SAGE1: variants seen among roughly 807,000 people sequenced by gnomAD.
SAGE1 encodes sarcoma antigen 1.
A neutral mutation model predicts 55.4 loss-of-function variants in SAGE1; 55 were observed. The ratio of observed to expected loss-of-function variants is 0.99; its 90% CI spans 0.80 to 1.24. The LOEUF is 1.24. SAGE1 is among the 50% of genes most tolerant of loss of function. SAGE1 has a pLI of 0.00. For synonymous variants in SAGE1, 240 were observed against 244.3 expected (o/e 0.98, Z 0.17); for missense variants, 710 against 704.4 (o/e 1.01, Z -0.09).
intron 3 of SAGE1, among the ~76,000 whole-genome samples, chrX:135,904,142 A>G (rs781821488): frequency 1.2e-3 from 134 of 111,759 alleles, no homozygotes; most frequent in African/African-American, 4.2e-3. Flanking sequence ...TCTGCACACA[A>G]TAATGTCATT....
chrX:135,904,615 T>C, intron 4 of SAGE1, 46 bp downstream of exon 4: 1 of 823,236 alleles, frequency 1.2e-6, no homozygotes, highest in Non-Finnish European at 1.8e-6. Context: ...ATGAAATTCA[T>C]CCATGAGTAC....
At chrX:135,912,174 A>T (rs2088909956) in intron 18 of SAGE1, 147 bp from the exon 19 acceptor site, 1 of 1,089,297 alleles carries the variant, frequency 9.2e-7, no homozygotes. Context: ...TTAGTAATAT[A>T]CAGATGTCGT....
chrX:135,904,660 G>A (rs1556599182), intron 4 of SAGE1, 91 bp downstream of exon 4: 1 of 546,940 alleles, frequency 1.8e-6, no homozygotes, highest in African/African-American at 2.3e-5. Context: ...GTTTCCATAA[G>A]CAGGCATATT....
chrX:135,910,207 T>C, intron 15 of SAGE1, 37 bp downstream of exon 15: 1 of 1,168,115 alleles, frequency 8.6e-7, no homozygotes, highest in Non-Finnish European at 1.2e-6. Context: ...CATACTTGGT[T>C]TCCATATGCA....
At chrX:135,905,525 C>A (rs2088771369) in intron 5 of SAGE1, 133 bp downstream of exon 5, 4 of 552,895 alleles carry the variant, frequency 7.2e-6, no homozygotes, top group Non-Finnish European at 8.6e-6. Context: ...GGCCACCTGG[C>A]AAATCCTCCC....
chrX:135,912,730 C>G (rs1473084007), intron 19 of SAGE1, 68 bp from the exon 20 acceptor site: 2 of 1,168,338 alleles, frequency 1.7e-6, no homozygotes, highest in African/African-American at 3.6e-5. Context: ...TTTGTATCCA[C>G]TCTACCTCTT....
In SAGE1 at chrX:135,893,734, G is replaced by A. The variant is rs1386626205; in HGVS notation, c.-48G>A. Among the ~76,000 whole-genome samples, 1 of 112,068 alleles carries A rather than the reference G, an allele frequency of 8.9e-6. No individual in the cohort carries two copies. Among genetic ancestry groups the A allele is most frequent in the Non-Finnish European group, 1.9e-5 (1 of 53,184 alleles). ...GGCCTTCACTATCAACTGCACAGCG[G>A]GCAGAGGCAGAGGAACACAGAACCT... On this transcript the variant is annotated 5_prime_UTR_variant, in exon 1 of 20. Transcript: ENST00000370709.
At position 135,906,998 on chromosome X, in the gene SAGE1, C is replaced by T. The variant is rs2088806052; in HGVS notation, c.809C>T (p.Ser270Leu). 8.3e-7 allele frequency: 1 copy of T among 1,207,691 alleles called. No homozygotes were observed. Among genetic ancestry groups the T allele is most frequent in the Admixed American group, 2.2e-5 (1 of 45,650 alleles). Residue 270 changes from serine (S) to leucine (L), a missense_variant, in exon 8 of 20, where the codon TCA (serine) becomes TTA (leucine). Ser to Leu is a moderately radical substitution (Grantham distance 145). Coordinates refer to ENST00000370709, the MANE Select transcript of SAGE1 (RefSeq NM_001381902.1). ...CAACCCCAACCTGATAACATCTTGT[C>T]AACTGCTTCAACAGGGCTTATTAAT... ...KGQPQPDNIL[S>L]TASTGLINVA...
At chrX:135,894,240 T>C (rs782231692) in intron 1 of SAGE1, among the ~76,000 whole-genome samples, 7 of 111,912 alleles carry the variant, frequency 6.3e-5, no homozygotes, top group African/African-American at 2.3e-4. Flanking sequence ...GCCCAGCTAA[T>C]TTTGTATTTG....
At chrX:135,896,635 C>T (rs1569520823) in intron 2 of SAGE1, among the ~76,000 whole-genome samples, 3 of 106,591 alleles carry the variant, frequency 2.8e-5, no homozygotes, top group African/African-American at 1.0e-4. Context: ...CTCAGCTCAC[C>T]GCAACCTCCA....
At chrX:135,899,949 T>C (rs1480916689) in intron 2 of SAGE1, among the ~76,000 whole-genome samples, 1 of 111,045 alleles carries the variant, frequency 9.0e-6, no homozygotes, top group African/African-American at 3.3e-5. Context: ...ACAAAGGTAA[T>C]TTGACTTCCT....
chrX:135,894,222 G>A (rs1286006214), intron 1 of SAGE1, among the ~76,000 whole-genome samples: 1 of 111,769 alleles, frequency 8.9e-6, no homozygotes. Context: ...ACAGGCATGC[G>A]CCACCACGCC....
chrX:135,910,089 G>C lies in SAGE1; in HGVS notation c.1783G>C (p.Asp595His). 8.3e-7 allele frequency: 1 copy of C among 1,205,900 alleles called. No homozygotes were observed. The highest frequency in any genetic ancestry group is 1.1e-6 in the Non-Finnish European group (1 of 890,542). The change falls in exon 15 of 20, where the codon GAT (aspartate) becomes CAT (histidine). Residue 595 changes from aspartate to histidine, a missense_variant. Physicochemically the swap from Asp to His is moderately conservative, Grantham distance 81. Coordinates refer to ENST00000370709, the MANE Select transcript of SAGE1 (RefSeq NM_001381902.1). ...GATTAAAAATGGCCAAGCAGCATCC[G>C]ATAATGTCTTCTCGACTGTTCCACC... Reference protein sequence around the residue: ...EKIKNGQAASDNVFSTVPPAF... With the variant: ...EKIKNGQAASHNVFSTVPPAF...
chrX:135,908,934 A>T lies in SAGE1; in HGVS notation c.1512A>T (p.Ile504=). 8.3e-7 allele frequency: 1 copy of T among 1,209,247 alleles called. No homozygotes were observed. Among genetic ancestry groups the T allele is most frequent in the Non-Finnish European group, 1.1e-6 (1 of 893,371 alleles). The part of the protein sequence containing the change: ...ESGKPQTDKV[I]SNDAPQLGHM... Reference sequence around the variant, plus strand: ...GCAAACCCCAAACTGATAAGGTCATATCAAATGATGCACCACAGCTTGGTC... The same window carrying T: ...GCAAACCCCAAACTGATAAGGTCATTTCAAATGATGCACCACAGCTTGGTC... The change falls in exon 13 of 20, where the codon ATA becomes ATT. Residue 504 remains isoleucine, a synonymous_variant. Transcript: ENST00000370709.
At position 135,901,651 on chromosome X, in the gene SAGE1, G is replaced by A; in HGVS notation, c.180G>A (p.Lys60=). The stretch of plus-strand genomic sequence containing the variant: ...AATCCAAGAGACACTCTTCATCTAA[G>A]AGAAGGAAGAGTATGTCCTCGTGGT... ...SRKSKRHSSS[K]RRKSMSSWLD... Residue 60 remains lysine, a synonymous_variant, in exon 3 of 20, where the codon AAG becomes AAA. Transcript: ENST00000370709. The A allele has an allele frequency of 8.3e-7, 1 of 1,207,301 alleles. No individual in the cohort carries two copies. The highest frequency in any genetic ancestry group is 1.1e-6 in the Non-Finnish European group (1 of 891,838).
At position 135,906,476 on chromosome X, in the gene SAGE1, G is replaced by A. The variant is rs1308627096; in HGVS notation, c.661G>A (p.Val221Met). ...AAATGTCCAACCAGCACCTGATAAC[G>A]TGTTGTTGACTCTTCGACCACGGCG... ...MENVQPAPDNVLLTLRPRRIN... is the reference protein window; with the variant it reads ...MENVQPAPDNMLLTLRPRRIN... The change falls in exon 7 of 20, where the codon GTG becomes ATG. Residue 221 changes from valine (V) to methionine (M), a missense_variant. Coordinates refer to ENST00000370709, the MANE Select transcript of SAGE1 (RefSeq NM_001381902.1). 39 of 1,208,435 alleles carry A rather than the reference G, an allele frequency of 3.2e-5. No homozygotes were observed. The highest frequency in any genetic ancestry group is 2.7e-4 in the East Asian group (9 of 33,761).
intron 12 of SAGE1, 89 bp from the exon 13 acceptor site, chrX:135,908,775 T>C: frequency 9.0e-7 from 1 of 1,105,341 alleles, no homozygotes; most frequent in Non-Finnish European, 1.2e-6. Context: ...ATGGGATAAT[T>C]TTCTAAAAAT....
At position 135,910,033 on chromosome X, in the gene SAGE1, C is replaced by A; in HGVS notation, c.1727C>A (p.Ala576Asp). ...IPAMSTRDQY[A>D]TVTHNVHEEK... Reference sequence around the variant, plus strand: ...AACCTCTTTATTTCTGTTCCAGATGCTACCGTCACTCACAATGTCCATGAA... The same window carrying A: ...AACCTCTTTATTTCTGTTCCAGATGATACCGTCACTCACAATGTCCATGAA... Residue 576 changes from alanine to aspartate, a missense_variant, in exon 15 of 20, where the codon GCT (alanine) becomes GAT (aspartate). By Grantham distance (126) the Ala-to-Asp change is moderately radical. Coordinates refer to ENST00000370709, the MANE Select transcript of SAGE1 (RefSeq NM_001381902.1). The A allele has an allele frequency of 8.3e-7, 1 of 1,209,012 alleles. No homozygotes were observed.
intron 3 of SAGE1, among the ~76,000 whole-genome samples, chrX:135,902,964 C>T (rs1428255357): frequency 1.8e-5 from 2 of 111,737 alleles, no homozygotes; most frequent in Non-Finnish European, 3.8e-5. Context: ...TATTTCAGCA[C>T]GTAAATCACA....
Sources: gnomAD v4.1 joint callset for allele counts (sites outside exome capture counted in the v4.1 genomes callset) on GRCh38, gnomAD v4.1.1 for gene constraint, MANE v1.5 for transcripts, NCBI Gene and HGNC (gene_info 2026-07-23, HGNC 2026-07-21) for gene names.